Variants in SPECC1 observed in about 807,000 individuals in gnomAD.
SPECC1 encodes the protein sperm antigen with calponin homology and coiled-coil domains 1, also known as cytospin-B.
In SPECC1, 62 loss-of-function variants were observed where a neutral mutation model predicts 104.1. The ratio of observed to expected loss-of-function variants is 0.60; its 90% confidence interval spans 0.49 to 0.74. The LOEUF (loss-of-function observed/expected upper bound fraction) is 0.74. SPECC1 is among the 30% of genes least tolerant of loss of function. The probability of loss-of-function intolerance (pLI) is 0.00; values close to 1 mark genes in which losing one functional copy is unlikely to be tolerated. For missense variants in SPECC1, 1,306 were observed against 1,310.5 expected (o/e 1.00, Z 0.05); for synonymous variants, 513 against 501.6 (o/e 1.02, Z -0.30).
At chr17:20,012,053 C>A (rs1224876213) in intron 1 of SPECC1, among the ~76,000 whole-genome samples, 2 of 152,046 alleles carry the variant, frequency 1.3e-5, no homozygotes, top group African/African-American at 4.8e-5. Context: ...TTGGTTTCAC[C>A]ATGTGTCTTC....
chr17:20,222,953 CT>C (rs1224829733), intron 4 of SPECC1, among the ~76,000 whole-genome samples: 2 of 151,872 alleles, frequency 1.3e-5, no homozygotes, highest in Non-Finnish European at 2.9e-5. Flanking sequence ...TTTCTTTTTT[CT>C]TGCTGCTTCT....
chr17:20,225,025 G>A (rs1485413434), intron 4 of SPECC1, among the ~76,000 whole-genome samples: 1 of 152,124 alleles, frequency 6.6e-6, no homozygotes, highest in Non-Finnish European at 1.5e-5. Context: ...CCAGGACTGG[G>A]TCCTTCCTTT....
chr17:20,188,128 T>C (rs560465531), intron 3 of SPECC1, among the ~76,000 whole-genome samples: 17 of 152,352 alleles, frequency 1.1e-4, no homozygotes, highest in Non-Finnish European at 2.2e-4. Context: ...CATGAGACTT[T>C]AGTAGATGGC....
chr17:20,082,317 A>G (rs1268819970), intron 1 of SPECC1, among the ~76,000 whole-genome samples: 1 of 152,190 alleles, frequency 6.6e-6, no homozygotes, highest in Non-Finnish European at 1.5e-5. Context: ...TTCTCACAGT[A>G]CTGGAAGCAG....
intron 13 of SPECC1, among the ~76,000 whole-genome samples, chr17:20,300,037 T>G (rs1457170423): frequency 6.6e-6 from 1 of 152,270 alleles, no homozygotes; most frequent in Non-Finnish European, 1.5e-5. Flanking sequence ...GAAGACTGAA[T>G]TTTTAATTTC....
chr17:20,075,909 T>C (rs2046742322), intron 1 of SPECC1, among the ~76,000 whole-genome samples: 1 of 152,176 alleles, frequency 6.6e-6, no homozygotes, highest in Non-Finnish European at 1.5e-5. Flanking sequence ...ATCATGCCAC[T>C]ACATTTCACC....
At chr17:20,073,787 T>G (rs1341606725) in intron 1 of SPECC1, 2 of 152,202 alleles carry the variant, frequency 1.3e-5, no homozygotes, top group Admixed American at 6.5e-5. Context: ...TTAGGTACAA[T>G]GTCTTACAGA....
chr17:20,179,706 T>G (rs2034732936), intron 3 of SPECC1, among the ~76,000 whole-genome samples: 1 of 152,220 alleles, frequency 6.6e-6, no homozygotes, highest in Non-Finnish European at 1.5e-5. Flanking sequence ...GAACAAATAT[T>G]CAGATGTCCA....
intron 3 of SPECC1, among the ~76,000 whole-genome samples, chr17:20,165,011 A>G (rs1051673314): frequency 3.9e-5 from 6 of 152,258 alleles, no homozygotes; most frequent in Non-Finnish European, 5.9e-5. Flanking sequence ...TTTTTTAAAA[A>G]AATTAATTTT....
chr17:20,010,654 T>C (rs2043910770), intron 1 of SPECC1, among the ~76,000 whole-genome samples: 1 of 152,240 alleles, frequency 6.6e-6, no homozygotes, highest in Admixed American at 6.5e-5. Flanking sequence ...CTCTTCCAAG[T>C]AGGTGATCTT....
intron 12 of SPECC1, among the ~76,000 whole-genome samples, chr17:20,285,251 C>G (rs540799922): frequency 6.6e-6 from 1 of 152,220 alleles, no homozygotes; most frequent in Non-Finnish European, 1.5e-5. Flanking sequence ...AGTGCTGTCT[C>G]TACATTCCCC....
At chr17:20,197,047 G>A (rs949091409) in intron 3 of SPECC1, among the ~76,000 whole-genome samples, 3 of 152,078 alleles carry the variant, frequency 2.0e-5, no homozygotes, top group Non-Finnish European at 4.4e-5. Context: ...TATGTATATA[G>A]CTACCCAGAA....
intron 2 of SPECC1, among the ~76,000 whole-genome samples, chr17:20,101,685 G>A (rs182785065): frequency 6.6e-6 from 1 of 152,290 alleles, no homozygotes; most frequent in East Asian, 1.9e-4. Context: ...GGTTGCAAAT[G>A]ATGAAACATT....
At chr17:20,105,600 C>A (rs114778647) in intron 2 of SPECC1, among the ~76,000 whole-genome samples, 1 of 152,148 alleles carries the variant, frequency 6.6e-6, no homozygotes, top group Non-Finnish European at 1.5e-5. Context: ...TCACCAGAGA[C>A]CCCCCAGCCC....
chr17:20,219,731 A>G (rs146861924), intron 4 of SPECC1, among the ~76,000 whole-genome samples: 8 of 152,246 alleles, frequency 5.3e-5, no homozygotes, highest in African/African-American at 1.7e-4. Flanking sequence ...CTTTTGGGCT[A>G]TTACTCAAGA....
chr17:20,072,750 G>A (rs1029016429), intron 1 of SPECC1, among the ~76,000 whole-genome samples: 16 of 152,236 alleles, frequency 1.1e-4, no homozygotes, highest in African/African-American at 3.9e-4. Context: ...CCATGCAAGA[G>A]CAGACTGGCT....
At chr17:20,155,057 T>C (rs182954144) in intron 3 of SPECC1, among the ~76,000 whole-genome samples, 76 of 152,200 alleles carry the variant, frequency 5.0e-4, no homozygotes, top group Non-Finnish European at 9.1e-4. Context: ...CCTGGAGATA[T>C]GTAGATGGTA....
chr17:20,077,512 G>C (rs1458703792), intron 1 of SPECC1, among the ~76,000 whole-genome samples: 4 of 151,866 alleles, frequency 2.6e-5, no homozygotes, highest in Non-Finnish European at 5.9e-5. Context: ...TGTGGCCCAG[G>C]CTGAAGTGCA....
intron 1 of SPECC1, chr17:20,057,747 C>T (rs2046024264): frequency 6.6e-6 from 1 of 151,958 alleles, no homozygotes; most frequent in Admixed American, 6.6e-5. Flanking sequence ...CTGCCTTGGC[C>T]TCCCAAAGTG....
Sources: gnomAD v4.1 joint callset for allele counts (sites outside exome capture counted in the v4.1 genomes callset) on GRCh38, gnomAD v4.1.1 for gene constraint, MANE v1.5 for transcripts, NCBI Gene and HGNC (gene_info 2026-07-23, HGNC 2026-07-21) for gene names.